SNX14: variants seen among roughly 807,000 people sequenced by gnomAD.
The protein encoded by SNX14 is sorting nexin 14.
SNX14 carries 93 observed loss-of-function variants against 133.8 expected under a neutral mutation model. The observed-to-expected ratio is 0.70, with a 90% CI of 0.59 to 0.83. SNX14 has a LOEUF of 0.83. Among genes scored for constraint, SNX14 ranks in the 40% least tolerant of loss-of-function variants. The pLI is 0.00. For synonymous variants in SNX14, 368 were observed against 365.6 expected (o/e 1.01, Z -0.07); for missense variants, 945 against 1,094.9 (o/e 0.86, Z 1.93).
At chr6:85,573,881 G>T (rs903420627) in intron 2 of SNX14, among the ~76,000 whole-genome samples, 4 of 152,078 alleles carry the variant, frequency 2.6e-5, no homozygotes, top group Non-Finnish European at 1.5e-5. Context: ...TGTCCTCACG[G>T]TTAATAGAGG....
chr6:85,529,204 G>C (rs542600452), intron 19 of SNX14, among the ~76,000 whole-genome samples: 1 of 152,152 alleles, frequency 6.6e-6, no homozygotes, highest in Non-Finnish European at 1.5e-5. Context: ...AGGTTGCCAA[G>C]ATCTCTGTGG....
At chr6:85,550,789 T>C (rs1333426324) in intron 7 of SNX14, among the ~76,000 whole-genome samples, 1 of 143,286 alleles carries the variant, frequency 7.0e-6, no homozygotes. Context: ...CTCAAAATTC[T>C]TTTTTTTTTT....
In SNX14 at chr6:85,547,533, CA is replaced by C. The variant is rs763922723; in HGVS notation, c.884del (p.Leu295CysfsTer6). 6.2e-7 allele frequency: 1 copy of C among 1,603,058 alleles called. No individual in the cohort carries two copies. The highest frequency in any genetic ancestry group is 8.5e-7 in the Non-Finnish European group (1 of 1,176,358). ...GACTGTCATCTATGAAGATGATAAGCAAATGATTCACAGTATCCTAGTGGAA... is the reference window on the plus strand; with the variant it reads ...GACTGTCATCTATGAAGATGATAAGCAATGATTCACAGTATCCTAGTGGAA... ...FLADPDTVNHLLIIFIDDSPP... is the reference protein window; with the variant it reads ...FLADPDTVNHXLIIFIDDSPP... On this transcript the variant is annotated frameshift_variant, in exon 10 of 29. Transcript: ENST00000314673. LOFTEE classifies it high-confidence loss of function.
chr6:85,593,631 G>C lies in SNX14; in HGVS notation c.88C>G (p.Leu30Val). ...VGREICRQYPLFCFLLLCLSA... is the reference protein window; with the variant it reads ...VGREICRQYPVFCFLLLCLSA... ...AGACAGAGCAGCAGGAAGCAGAACA[G>C]CGGGTACTGGCGGCAGATCTCGCGT... Residue 30 changes from leucine to valine, a missense_variant, in exon 1 of 29, where the codon CTG becomes GTG. Coordinates refer to ENST00000314673, the MANE Select transcript of SNX14 (RefSeq NM_153816.6). 1 of 1,612,646 alleles carries C rather than the reference G, an allele frequency of 6.2e-7. No individual in the cohort carries two copies. The highest frequency in any genetic ancestry group is 8.5e-7 in the Non-Finnish European group (1 of 1,179,826).
At chr6:85,580,835 A>C (rs914716897) in intron 1 of SNX14, among the ~76,000 whole-genome samples, 2 of 152,110 alleles carry the variant, frequency 1.3e-5, no homozygotes, top group African/African-American at 4.8e-5. Context: ...GCCACAGTAG[A>C]ATAAAACACC....
chr6:85,531,879 T>G (rs892168762), intron 18 of SNX14, among the ~76,000 whole-genome samples: 3 of 151,996 alleles, frequency 2.0e-5, no homozygotes, highest in African/African-American at 7.3e-5. Context: ...AATTTTAAAA[T>G]TAGCTGGGCG....
intron 16 of SNX14, among the ~76,000 whole-genome samples, chr6:85,537,877 A>G (rs1218907843): frequency 2.6e-5 from 4 of 152,240 alleles, no homozygotes; most frequent in African/African-American, 9.6e-5. Flanking sequence ...TGGACCCGCA[A>G]GATTGCACCA....
chr6:85,540,642 T>A (rs1192546456), intron 15 of SNX14, among the ~76,000 whole-genome samples: 1 of 152,246 alleles, frequency 6.6e-6, no homozygotes, highest in Admixed American at 6.5e-5. Context: ...ATACTACTTC[T>A]ACTGAGGCAT....
At chr6:85,537,809 C>T (rs1270791120) in intron 16 of SNX14, among the ~76,000 whole-genome samples, 4 of 152,050 alleles carry the variant, frequency 2.6e-5, no homozygotes, top group South Asian at 2.1e-4. Context: ...ATTAGCCGGG[C>T]GAGGTGGCAG....
In SNX14 at chr6:85,574,240, A is replaced by T. The variant is rs1223671890; in HGVS notation, c.261+18T>A. ...CTCATATACATTGATTCTTAACAAT[A>T]AGAACACATAATTTTACCTTGGGTT... On this transcript the variant is annotated intron_variant, in intron 2 of 28. Transcript: ENST00000314673. 1 of 1,552,338 alleles carries T rather than the reference A, an allele frequency of 6.4e-7. No individual in the cohort carries two copies. The highest frequency in any genetic ancestry group is 1.4e-5 in the African/African-American group (1 of 73,622).
chr6:85,525,874 T>A (rs550990812), intron 21 of SNX14, among the ~76,000 whole-genome samples: 21 of 152,260 alleles, frequency 1.4e-4, no homozygotes, highest in Non-Finnish European at 2.4e-4. Flanking sequence ...TATTTAAATT[T>A]AACAAAATAA....
At chr6:85,508,878 TC>T (rs1342833939) in intron 26 of SNX14, among the ~76,000 whole-genome samples, 1 of 152,148 alleles carries the variant, frequency 6.6e-6, no homozygotes, top group Non-Finnish European at 1.5e-5. Flanking sequence ...TTATCCTTTT[TC>T]CCCTATCATA....
At position 85,514,661 on chromosome 6, in the gene SNX14, T is replaced by C. The variant is rs191842258; in HGVS notation, c.2269-32A>G. Reference sequence around the variant, plus strand: ...TAAAAGTTGGAATAATAAAGAGATATATAGTTTATTACATCTGCTGACGAT... The same window carrying C: ...TAAAAGTTGGAATAATAAAGAGATACATAGTTTATTACATCTGCTGACGAT... On this transcript the variant is annotated intron_variant, in intron 23 of 28. Transcript: ENST00000314673. The C allele has an allele frequency of 3.1e-5, 49 of 1,579,478 alleles. No homozygotes were observed. The African/African-American group carries it at 4.4e-4, about 14-fold the overall frequency.
At chr6:85,576,891 A>G (rs1300469846) in intron 1 of SNX14, among the ~76,000 whole-genome samples, 1 of 152,214 alleles carries the variant, frequency 6.6e-6, no homozygotes, top group Non-Finnish European at 1.5e-5. Flanking sequence ...AAAATTTTCA[A>G]GAGTTTTCAG....
chr6:85,516,852 G>A (rs1247204634), intron 23 of SNX14, among the ~76,000 whole-genome samples: 3 of 151,958 alleles, frequency 2.0e-5, no homozygotes, highest in African/African-American at 7.3e-5. Flanking sequence ...TGGCCAGGCT[G>A]GTCTCAAACT....
intron 1 of SNX14, among the ~76,000 whole-genome samples, chr6:85,576,644 G>C (rs1354361686): frequency 6.6e-6 from 1 of 152,208 alleles, no homozygotes; most frequent in African/African-American, 2.4e-5. Flanking sequence ...AGTGAGAAGA[G>C]AATGATGCCA....
At chr6:85,518,978 A>G (rs1425747704) in intron 21 of SNX14, among the ~76,000 whole-genome samples, 2 of 152,226 alleles carry the variant, frequency 1.3e-5, no homozygotes, top group Admixed American at 1.3e-4. Flanking sequence ...ATAAAACTTC[A>G]ACTGGATTCT....
chr6:85,528,150 T>C, intron 20 of SNX14, 112 bp downstream of exon 20: 1 of 612,444 alleles, frequency 1.6e-6, no homozygotes, highest in Non-Finnish European at 2.6e-6. Flanking sequence ...TAAATTAAAA[T>C]CTACATGGAC....
intron 19 of SNX14, among the ~76,000 whole-genome samples, chr6:85,529,934 T>C (rs887510227): frequency 1.3e-5 from 2 of 152,142 alleles, no homozygotes; most frequent in Non-Finnish European, 2.9e-5. Context: ...CTTTCTAAAA[T>C]ATAGTTTTAA....
Sources: allele counts gnomAD v4.1 joint callset (sites outside exome capture counted in the v4.1 genomes callset), GRCh38; gene constraint gnomAD v4.1.1; transcripts MANE v1.5; gene names NCBI Gene and HGNC (gene_info 2026-07-23, HGNC 2026-07-21).